CFAP299: variants seen among roughly 807,000 people sequenced by gnomAD.
The protein encoded by CFAP299 is cilia and flagella associated protein 299, also known as cilia- and flagella-associated protein 299.
In CFAP299, 21 loss-of-function variants were observed where a neutral mutation model predicts 27.0. The observed-to-expected ratio is 0.78, with a 90% CI of 0.55 to 1.12. The LOEUF (loss-of-function observed/expected upper bound fraction) is 1.12, where lower values mean the gene tolerates loss of function less well. Among genes scored for constraint, CFAP299 ranks in the 50% most tolerant of loss-of-function variants. The pLI is 0.00. For missense variants in CFAP299, 310 were observed against 276.6 expected (o/e 1.12, Z -0.86); for synonymous variants, 104 against 98.1 (o/e 1.06, Z -0.36).
At chr4:80,651,842 G>A (rs1026203955) in intron 3 of CFAP299, among the ~76,000 whole-genome samples, 4 of 150,920 alleles carry the variant, frequency 2.7e-5, no homozygotes, top group African/African-American at 7.3e-5. Flanking sequence ...TAATAATCTG[G>A]GGCAAAGTCA....
At chr4:80,953,592 T>C (rs1174807417) in intron 5 of CFAP299, among the ~76,000 whole-genome samples, 1 of 152,168 alleles carries the variant, frequency 6.6e-6, no homozygotes, top group African/African-American at 2.4e-5. Context: ...GTCCTCCACT[T>C]GACCTGAAAA....
chr4:80,906,602 G>A (rs947396640), intron 4 of CFAP299, among the ~76,000 whole-genome samples: 1 of 152,164 alleles, frequency 6.6e-6, no homozygotes, highest in Admixed American at 6.5e-5. Flanking sequence ...TAAAATCTAG[G>A]TGGACATTCC....
intron 3 of CFAP299, among the ~76,000 whole-genome samples, chr4:80,733,510 T>C (rs1723660964): frequency 1.3e-5 from 2 of 152,128 alleles, no homozygotes; most frequent in African/African-American, 4.8e-5. Flanking sequence ...TAAATTATTA[T>C]TGACTATAGT....
intron 2 of CFAP299, chr4:80,386,141 C>T: frequency 1.9e-6 from 1 of 532,322 alleles, no homozygotes; most frequent in Non-Finnish European, 3.2e-6. Flanking sequence ...CAAACATGAG[C>T]ATCAGGCCTT....
At chr4:80,375,300 C>T (rs1344672563) in intron 2 of CFAP299, among the ~76,000 whole-genome samples, 1 of 152,076 alleles carries the variant, frequency 6.6e-6, no homozygotes, top group Admixed American at 6.5e-5. Flanking sequence ...CAACTAATTC[C>T]ATTGTTCTTG....
At chr4:80,348,443 A>G (rs1722854508) in intron 1 of CFAP299, among the ~76,000 whole-genome samples, 1 of 152,246 alleles carries the variant, frequency 6.6e-6, no homozygotes, top group African/African-American at 2.4e-5. Context: ...ATTTACAAGA[A>G]TAAAACAATC....
chr4:80,887,466 GA>G (rs1734028868), intron 4 of CFAP299, among the ~76,000 whole-genome samples: 1 of 151,974 alleles, frequency 6.6e-6, no homozygotes, highest in Non-Finnish European at 1.5e-5. Context: ...TACCCTTGAA[GA>G]GTATAGCTGG....
chr4:80,340,200 A>G (rs1186926106), intron 1 of CFAP299, among the ~76,000 whole-genome samples: 1 of 152,224 alleles, frequency 6.6e-6, no homozygotes, highest in East Asian at 1.9e-4. Context: ...AGGGTGAGAC[A>G]GAGCCAAAGG....
intron 3 of CFAP299, among the ~76,000 whole-genome samples, chr4:80,773,465 T>G (rs1456235499): frequency 6.6e-6 from 1 of 152,120 alleles, no homozygotes; most frequent in Admixed American, 6.6e-5. Context: ...CTAAAACAAG[T>G]GGACCAGCTT....
intron 3 of CFAP299, among the ~76,000 whole-genome samples, chr4:80,620,114 G>C (rs1044127761): frequency 6.6e-6 from 1 of 152,098 alleles, no homozygotes; most frequent in Non-Finnish European, 1.5e-5. Context: ...ATATTTTCAT[G>C]AGTTAAATGT....
At chr4:80,458,186 G>T (rs1729259481) in intron 2 of CFAP299, among the ~76,000 whole-genome samples, 1 of 152,138 alleles carries the variant, frequency 6.6e-6, no homozygotes, top group Non-Finnish European at 1.5e-5. Flanking sequence ...TAACAAATGG[G>T]CGCCCCCAAA....
intron 3 of CFAP299, among the ~76,000 whole-genome samples, chr4:80,627,171 G>A (rs1006379541): frequency 6.6e-6 from 1 of 151,902 alleles, no homozygotes; most frequent in Non-Finnish European, 1.5e-5. Flanking sequence ...ATTCATTCCA[G>A]TGATGCAAGG....
chr4:80,447,888 A>G (rs183572598), intron 2 of CFAP299, among the ~76,000 whole-genome samples: 170 of 152,326 alleles, frequency 1.1e-3, no homozygotes, highest in African/African-American at 3.8e-3. Flanking sequence ...AAATTGTACC[A>G]AGACATTTCT....
At chr4:80,921,137 C>T (rs1036152915) in intron 4 of CFAP299, among the ~76,000 whole-genome samples, 5 of 151,966 alleles carry the variant, frequency 3.3e-5, no homozygotes, top group Admixed American at 1.3e-4. Flanking sequence ...GGTATACTCT[C>T]GACACATCAT....
chr4:80,628,076 T>G (rs1426412933), intron 3 of CFAP299, among the ~76,000 whole-genome samples: 1 of 152,108 alleles, frequency 6.6e-6, no homozygotes, highest in Non-Finnish European at 1.5e-5. Flanking sequence ...ACTACCTGAC[T>G]TCAAAATATG....
intron 3 of CFAP299, among the ~76,000 whole-genome samples, chr4:80,653,546 C>T (rs1740411859): frequency 6.6e-6 from 1 of 151,954 alleles, no homozygotes; most frequent in South Asian, 2.1e-4. Flanking sequence ...TCTCATTGTC[C>T]TTATCAGTGG....
chr4:80,801,796 G>A (rs1386782507), intron 3 of CFAP299, among the ~76,000 whole-genome samples: 2 of 152,112 alleles, frequency 1.3e-5, no homozygotes, highest in African/African-American at 2.4e-5. Context: ...AGGCACCTTT[G>A]CTTTCACAAG....
At chr4:80,398,160 A>G (rs2110045522) in intron 2 of CFAP299, among the ~76,000 whole-genome samples, 1 of 152,328 alleles carries the variant, frequency 6.6e-6, no homozygotes, top group African/African-American at 2.4e-5. Flanking sequence ...AAGGAGAACT[A>G]CAAACCACTG....
At chr4:80,560,739 A>G (rs1734999764) in intron 2 of CFAP299, among the ~76,000 whole-genome samples, 1 of 152,064 alleles carries the variant, frequency 6.6e-6, no homozygotes, top group Non-Finnish European at 1.5e-5. Flanking sequence ...TTTGGAAAAG[A>G]GAGGGAAGAG....
Sources: allele counts gnomAD v4.1 joint callset (sites outside exome capture counted in the v4.1 genomes callset), GRCh38; gene constraint gnomAD v4.1.1; transcripts MANE v1.5; gene names NCBI Gene and HGNC (gene_info 2026-07-23, HGNC 2026-07-21).